Variants in COL23A1 observed in about 807,000 individuals in gnomAD.
The protein encoded by COL23A1 is collagen type XXIII alpha 1 chain.
A neutral mutation model predicts 99.3 loss-of-function variants in COL23A1; 97 were observed. That is an observed-to-expected ratio of 0.98 (90% CI 0.83 to 1.16). The LOEUF (loss-of-function observed/expected upper bound fraction) is 1.16. Ranked by LOEUF, COL23A1 falls within the 50% of genes most tolerant of loss-of-function variation. The pLI is 0.00. For missense variants in COL23A1, 762 were observed against 757.4 expected (o/e 1.01, Z -0.07); for synonymous variants, 320 against 308.2 (o/e 1.04, Z -0.40).
intron 2 of COL23A1, chr5:178,345,071 G>A: frequency 1.7e-6 from 1 of 587,328 alleles, no homozygotes; most frequent in Admixed American, 2.0e-5. Context: ...TGTTAAAGAA[G>A]CTTTTGGTTC....
chr5:178,587,632 C>G (rs1764067757), intron 1 of COL23A1, among the ~76,000 whole-genome samples: 2 of 152,182 alleles, frequency 1.3e-5, no homozygotes, highest in African/African-American at 4.8e-5. Flanking sequence ...TGAAAAACAG[C>G]TTCAAGTACA....
intron 7 of COL23A1, 30 bp downstream of exon 7, chr5:178,268,700 C>T: frequency 6.3e-7 from 1 of 1,591,018 alleles, no homozygotes. Context: ...GCCTGCCTAC[C>T]ACATCTGCAC....
At chr5:178,578,638 C>G (rs2113706382) in intron 1 of COL23A1, among the ~76,000 whole-genome samples, 1 of 152,272 alleles carries the variant, frequency 6.6e-6, no homozygotes, top group Admixed American at 6.5e-5. Context: ...TGCCATTACC[C>G]ATTTGCAAGC....
At chr5:178,358,130 C>T (rs111066787) in intron 2 of COL23A1, among the ~76,000 whole-genome samples, 40,036 of 126,672 alleles carry the variant, frequency 0.32, 6,506 homozygotes, top group Middle Eastern at 0.45. Flanking sequence ...TACGTGTGTA[C>T]GTCTAATGTG....
intron 2 of COL23A1, among the ~76,000 whole-genome samples, chr5:178,357,154 C>CG: frequency 6.6e-6 from 1 of 152,364 alleles, no homozygotes; most frequent in East Asian, 1.9e-4. Context: ...GCATTAAGCA[C>CG]GGGTTCCCTC....
chr5:178,339,599 T>G (rs1390207062), intron 2 of COL23A1, among the ~76,000 whole-genome samples: 1 of 152,078 alleles, frequency 6.6e-6, no homozygotes, highest in Non-Finnish European at 1.5e-5. Context: ...CTAGCATGTG[T>G]GGGGGAAAAT....
In COL23A1 at chr5:178,242,077, G is replaced by C. The variant is rs1301131458; in HGVS notation, c.1546C>G (p.Pro516Ala). ...RKGVKGQKGE[P>A]GPPGLDQPCP... ...GGCTGGTCCAGGCCTGGTGGTCCCG[G>C]CTCGCCCTTCTGGCCCTTCACTCCT... The change falls in exon 27 of 29, where the codon CCG becomes GCG. Residue 516 changes from proline (P) to alanine (A), a missense_variant. Physicochemically the swap from Pro to Ala is conservative, Grantham distance 27 (BLOSUM62 -1). Transcript: ENST00000390654. 6.4e-7 allele frequency: 1 copy of C among 1,553,808 alleles called. No individual in the cohort carries two copies. The highest frequency in any genetic ancestry group is 1.4e-5 in the African/African-American group (1 of 73,184).
rs187587632 is a variant in COL23A1 at position 178,320,738 on chromosome 5, C to T, written c.362-13819G>A. 5.3e-5 allele frequency among the ~76,000 whole-genome samples: 8 copies of T among 152,370 alleles called. No homozygotes were observed. In the South Asian group the frequency reaches 1.4e-3, roughly 28 times the overall value. On this transcript the variant is annotated intron_variant, in intron 2 of 28. Coordinates refer to ENST00000390654, the MANE Select transcript of COL23A1 (RefSeq NM_173465.4). ...AGGGCCAGGGCTGAGGCCCGGCTTC[C>T]GCCAAAGAGTTTCAGCTGTTGGGCC...
At chr5:178,287,718 C>T (rs535781581) in intron 5 of COL23A1, among the ~76,000 whole-genome samples, 1 of 152,354 alleles carries the variant, frequency 6.6e-6, no homozygotes, top group South Asian at 2.1e-4. Context: ...GCTCCCCCTA[C>T]TCTTTCTGAC....
rs1756843745 is a variant in COL23A1, at chr5:178,473,076, CTGTG to C, written c.361+87602_361+87605del. 1.1e-4 allele frequency among the ~76,000 whole-genome samples: 3 copies of C among 26,986 alleles called. No homozygotes were observed. In the Admixed American group the frequency reaches 1.7e-3, roughly 15 times the overall value. The allele number at this position is 26,986 out of a possible 152,430, so 17.7% of individuals were successfully genotyped here. The stretch of plus-strand genomic sequence containing the variant: ...AGGTCAAGGCTGCAGTGAGCTGTGA[CTGTG>C]CCACTGCACTCCAGCCTGGGTGACA... On this transcript the variant is annotated intron_variant, in intron 2 of 28. Coordinates refer to ENST00000390654, the MANE Select transcript of COL23A1 (RefSeq NM_173465.4).
rs537019991 is a variant in COL23A1 at position 178,583,570 on chromosome 5, GTATTGT to G, written c.294+6328_294+6333del. 3.9e-5 allele frequency among the ~76,000 whole-genome samples: 6 copies of G among 152,286 alleles called. No individual in the cohort carries two copies. In the East Asian group the frequency reaches 1.2e-3, roughly 29 times the overall value. On this transcript the variant is annotated intron_variant, in intron 1 of 28. Transcript: ENST00000390654. ...TCTCAGTGACCAGGACGGGTAATCC[GTATTGT>G]TAGATGCAGGCTGTCTGTACTGATA...
chr5:178,573,687 C>G (rs1354807680), intron 1 of COL23A1, among the ~76,000 whole-genome samples: 1 of 152,122 alleles, frequency 6.6e-6, no homozygotes, highest in Non-Finnish European at 1.5e-5. Flanking sequence ...ATACTGGAAA[C>G]AACTCAAATG....
chr5:178,548,556 T>C (rs1344867272), intron 2 of COL23A1, among the ~76,000 whole-genome samples: 1 of 24,830 alleles, frequency 4.0e-5, no homozygotes, highest in Non-Finnish European at 1.9e-4. Flanking sequence ...GCCTATTCTT[T>C]TTTTTTTTTT....
At chr5:178,442,751 G>A (rs1766944661) in intron 2 of COL23A1, among the ~76,000 whole-genome samples, 1 of 152,230 alleles carries the variant, frequency 6.6e-6, no homozygotes. Flanking sequence ...CAGGCGCCAA[G>A]ACCTGACCTG....
At chr5:178,241,642 C>T (rs748124055) in intron 27 of COL23A1, among the ~76,000 whole-genome samples, 2 of 152,218 alleles carry the variant, frequency 1.3e-5, no homozygotes, top group Non-Finnish European at 2.9e-5. Context: ...CAGGGCCCAG[C>T]CCCCTCCCAG....
chr5:178,297,179 C>T (rs1757791012), intron 3 of COL23A1, among the ~76,000 whole-genome samples: 1 of 152,252 alleles, frequency 6.6e-6, no homozygotes, highest in African/African-American at 2.4e-5. Flanking sequence ...GGCATGGCTC[C>T]ACTGCCACTG....
chr5:178,245,492 T>C (rs987235622), intron 25 of COL23A1, among the ~76,000 whole-genome samples: 5 of 147,898 alleles, frequency 3.4e-5, no homozygotes, highest in Non-Finnish European at 6.0e-5. Context: ...CCATTCATCA[T>C]CCACCCACCC....
At chr5:178,304,117 GA>G (rs1382573534) in intron 3 of COL23A1, among the ~76,000 whole-genome samples, 1 of 152,194 alleles carries the variant, frequency 6.6e-6, no homozygotes, top group Non-Finnish European at 1.5e-5. Flanking sequence ...GGGAACTAGG[GA>G]GGCTACTGCA....
chr5:178,576,615 C>A (rs1055893346), intron 1 of COL23A1, among the ~76,000 whole-genome samples: 5 of 152,202 alleles, frequency 3.3e-5, no homozygotes, highest in African/African-American at 1.2e-4. Context: ...CGCAGAGACC[C>A]ATCCAGGCGG....
Sources: gnomAD v4.1 joint callset for allele counts (sites outside exome capture counted in the v4.1 genomes callset) on GRCh38, gnomAD v4.1.1 for gene constraint, MANE v1.5 for transcripts, NCBI Gene and HGNC (gene_info 2026-07-23, HGNC 2026-07-21) for gene names.